The following IPO5 variants were observed in gnomAD, a reference collection of about 807,000 sequenced individuals.
IPO5 encodes the protein importin 5.
Under a neutral mutation model 143.3 loss-of-function variants are expected in IPO5, and 18 were observed. The ratio of observed to expected loss-of-function variants is 0.13; its 90% CI spans 0.09 to 0.19. The LOEUF is 0.19. IPO5 is among the 10% of genes least tolerant of loss of function. IPO5 has a pLI of 1.00. For missense variants in IPO5, 1,013 were observed against 1,336.9 expected, an observed-to-expected ratio of 0.76 and a Z score of 3.78; for synonymous variants, 477 against 465.7, an observed-to-expected ratio of 1.02 and a Z score of -0.31.
At chr13:98,005,211 T>TC (rs35898390) in intron 16 of IPO5, among the ~76,000 whole-genome samples, 3,696 of 150,728 alleles carry the variant, frequency 0.025, 148 homozygotes, top group African/African-American at 0.084. Flanking sequence ...TTTTTTTTTT[T>TC]CCCCAGACAG....
rs60570648 is a variant in IPO5 at position 97,977,679 on chromosome 13, G to A, written c.90+893G>A. Among the ~76,000 whole-genome samples the A allele has an allele frequency of 8.9e-3, 1,349 of 152,200 alleles. 89 individuals are homozygous for A. In the East Asian group the frequency reaches 0.18, roughly 20 times the overall value. ...GACAGTATTTTAAATATATCTGTAA[G>A]CTCATTTACCAAGTTCACTAGAAGA... On this transcript the variant is annotated intron_variant, in intron 4 of 28. Coordinates refer to ENST00000651721, the MANE Select transcript of IPO5 (RefSeq NM_002271.6).
At chr13:97,966,713 T>C (rs1407787239) in intron 2 of IPO5, among the ~76,000 whole-genome samples, 1 of 152,160 alleles carries the variant, frequency 6.6e-6, no homozygotes, top group East Asian at 1.9e-4. Context: ...AGTAAAGTCA[T>C]CTGGTCTGGG....
intron 2 of IPO5, among the ~76,000 whole-genome samples, chr13:97,969,173 ATATTTTTTTTTTTT>A (rs543298791): frequency 0.013 from 909 of 70,124 alleles, 22 homozygotes; most frequent in African/African-American, 0.056. Context: ...ATATATATAT[ATATTTTTTTTTTTT>A]TTTTTTTTTT....
In IPO5 at chr13:97,995,484, G is replaced by A. The variant is rs150745615; in HGVS notation, c.914-2047G>A. Among the ~76,000 whole-genome samples, 1,085 of 152,088 alleles carry A rather than the reference G, an allele frequency of 7.1e-3. 35 individuals carry two copies. The highest frequency in any genetic ancestry group is 0.066 in the Admixed American group (1,007 of 15,252). ...CTTATTAAAAAAACAGGCCGGGCGC[G>A]GTGGCTCACACCTGCAATCTCAGCA... On this transcript the variant is annotated intron_variant, in intron 11 of 28. Transcript: ENST00000651721.
intron 2 of IPO5, among the ~76,000 whole-genome samples, chr13:97,959,607 G>A (rs575435503): frequency 6.6e-6 from 1 of 152,028 alleles, no homozygotes; most frequent in Non-Finnish European, 1.5e-5. Flanking sequence ...GGTGGCGGGC[G>A]CCTATAGTCC....
chr13:97,976,992 G>A, intron 4 of IPO5: 1 of 201,166 alleles, frequency 5.0e-6, no homozygotes, highest in Non-Finnish European at 1.1e-5. Flanking sequence ...GCGGCGCCTG[G>A]CACCAGTTAC....
chr13:98,000,110 C>T (rs1461870360), intron 12 of IPO5, among the ~76,000 whole-genome samples: 1 of 152,064 alleles, frequency 6.6e-6, no homozygotes, highest in African/African-American at 2.4e-5. Flanking sequence ...TGGTGAAACC[C>T]CGTCTCTACT....
At chr13:97,973,982 C>A (rs186833484) in intron 3 of IPO5, among the ~76,000 whole-genome samples, 1 of 152,082 alleles carries the variant, frequency 6.6e-6, no homozygotes, top group East Asian at 1.9e-4. Flanking sequence ...GTGGGAGGAT[C>A]GCTGGAGCCC....
In IPO5 at chr13:97,988,952, A is replaced by G. The variant is rs1887599256; in HGVS notation, c.365-110A>G. On this transcript the variant is annotated intron_variant, in intron 6 of 28. Transcript: ENST00000651721. ...AGTTTTTAAAAATAGCAAAAGTGAC[A>G]TTTTTCACTACTCCAGGTTTGAATG... 1.7e-5 allele frequency: 10 copies of G among 576,686 alleles called. No homozygotes were observed. In the Admixed American group the frequency reaches 3.3e-4, roughly 19 times the overall value. The allele number at this position is 576,686 out of a possible 1,614,324, so 35.7% of individuals were successfully genotyped here. A position where few individuals can be genotyped will look rare whatever the true frequency, so the allele number is the denominator to read the frequency against.
rs1889040941 is a variant in IPO5 at position 98,004,342 on chromosome 13, C to CA, written c.1497+1307dup. 2.0e-5 allele frequency among the ~76,000 whole-genome samples: 3 copies of CA among 152,250 alleles called. No homozygotes were observed. In the South Asian group the frequency reaches 6.2e-4, roughly 32 times the overall value. The stretch of plus-strand genomic sequence containing the variant: ...GACAGAGGACTTATAAACAAAGGCC[C>CA]AAGTGCTCAGTATCAGATGACAGCA... On this transcript the variant is annotated intron_variant, in intron 16 of 28. Transcript: ENST00000651721.
intron 16 of IPO5, 21 bp from the exon 17 acceptor site, chr13:98,006,109 T>C: frequency 1.3e-6 from 2 of 1,523,970 alleles, no homozygotes; most frequent in Non-Finnish European, 1.8e-6. Flanking sequence ...TTTGAGGTAA[T>C]AATTTGTGTC....
intron 16 of IPO5, among the ~76,000 whole-genome samples, chr13:98,003,445 A>G (rs191144319): frequency 6.6e-6 from 1 of 152,308 alleles, no homozygotes; most frequent in East Asian, 1.9e-4. Context: ...TTAAGGCAAG[A>G]CCATCATACT....
chr13:97,959,469 C>T (rs1270960971), intron 2 of IPO5, among the ~76,000 whole-genome samples: 6 of 152,044 alleles, frequency 3.9e-5, no homozygotes, highest in African/African-American at 1.4e-4. Flanking sequence ...GTGGCTCACG[C>T]CTATAATCCC....
chr13:97,973,409 G>C (rs1283358974), intron 3 of IPO5, among the ~76,000 whole-genome samples: 13 of 152,100 alleles, frequency 8.5e-5, no homozygotes, highest in Admixed American at 7.9e-4. Flanking sequence ...ATGGGAAATG[G>C]GCTTCTAAGT....
intron 25 of IPO5, among the ~76,000 whole-genome samples, chr13:98,017,454 C>G (rs1255844079): frequency 1.3e-5 from 2 of 151,930 alleles, no homozygotes; most frequent in African/African-American, 4.8e-5. Context: ...CGCACGCCAC[C>G]ACACCCGACG....
At chr13:97,983,965 C>CTTT (rs71117684) in intron 5 of IPO5, among the ~76,000 whole-genome samples, 1,955 of 45,936 alleles carry the variant, frequency 0.043, 489 homozygotes, top group Middle Eastern at 0.16. Flanking sequence ...AGGGTAACTT[C>CTTT]TTTTTTTTTT....
intron 16 of IPO5, among the ~76,000 whole-genome samples, chr13:98,005,510 A>G (rs187543051): frequency 1.3e-5 from 2 of 151,996 alleles, no homozygotes; most frequent in East Asian, 1.9e-4. Context: ...TTACAGAAGA[A>G]TTATTTTAAA....
At chr13:97,974,186 A>T (rs1886064800) in intron 3 of IPO5, among the ~76,000 whole-genome samples, 1 of 152,248 alleles carries the variant, frequency 6.6e-6, no homozygotes, top group African/African-American at 2.4e-5. Flanking sequence ...CAATAGAAAC[A>T]CATATCGCAA....
intron 20 of IPO5, among the ~76,000 whole-genome samples, chr13:98,011,440 G>A (rs1351235070): frequency 2.0e-5 from 3 of 152,034 alleles, no homozygotes; most frequent in African/African-American, 4.8e-5. Flanking sequence ...ACAGGTGCAC[G>A]CCACCATGCC....
Sources: gnomAD v4.1 joint callset for allele counts (sites outside exome capture counted in the v4.1 genomes callset) on GRCh38, gnomAD v4.1.1 for gene constraint, MANE v1.5 for transcripts, NCBI Gene and HGNC (gene_info 2026-07-23, HGNC 2026-07-21) for gene names.